The following ASAP3 variants were observed in gnomAD, a reference collection of about 807,000 sequenced individuals.
The protein encoded by ASAP3 is arf-GAP with SH3 domain, ANK repeat and PH domain-containing protein 3.
ASAP3 carries 85 observed loss-of-function variants against 118.2 expected under a neutral mutation model. The ratio of observed to expected loss-of-function variants is 0.72; its 90% CI spans 0.60 to 0.86. The LOEUF (loss-of-function observed/expected upper bound fraction) is 0.86. ASAP3 is among the 40% of genes least tolerant of loss of function. The probability of loss-of-function intolerance (pLI) is 0.00; values close to 1 mark genes in which losing one functional copy is unlikely to be tolerated. For synonymous variants in ASAP3, 432 were observed against 477.4 expected (o/e 0.90, Z 1.24); for missense variants, 1,026 against 1,175.0 (o/e 0.87, Z 1.85).
intron 1 of ASAP3, among the ~76,000 whole-genome samples, chr1:23,473,348 G>T (rs1055108008): frequency 6.6e-6 from 1 of 152,158 alleles, no homozygotes; most frequent in Non-Finnish European, 1.5e-5. Context: ...AGAACCTTCA[G>T]CAGCTGTTCC....
At chr1:23,439,524 C>T (rs1345583104) in intron 10 of ASAP3, among the ~76,000 whole-genome samples, 3 of 152,166 alleles carry the variant, frequency 2.0e-5, no homozygotes, top group Non-Finnish European at 4.4e-5. Context: ...TGAGAGCTCC[C>T]AGTCTGATGG....
intron 1 of ASAP3, among the ~76,000 whole-genome samples, chr1:23,462,055 G>A (rs1404580711): frequency 5.3e-5 from 8 of 150,362 alleles, no homozygotes; most frequent in South Asian, 2.1e-4. Context: ...ATGGAGTCTC[G>A]CTTTGTAGCC....
intron 5 of ASAP3, among the ~76,000 whole-genome samples, chr1:23,445,072 G>A (rs1420862094): frequency 1.3e-5 from 2 of 151,490 alleles, no homozygotes; most frequent in Non-Finnish European, 2.9e-5. Context: ...GGTAGGAACT[G>A]ATCCTGTGAA....
intron 5 of ASAP3, among the ~76,000 whole-genome samples, chr1:23,450,346 G>T (rs931154661): frequency 6.6e-6 from 1 of 152,118 alleles, no homozygotes; most frequent in Non-Finnish European, 1.5e-5. Flanking sequence ...TGGCACACCC[G>T]TTTGATTGAT....
intron 6 of ASAP3, 114 bp downstream of exon 6, chr1:23,442,387 A>C (rs1385302302): frequency 6.3e-7 from 1 of 1,582,004 alleles, no homozygotes; most frequent in Non-Finnish European, 8.6e-7. Context: ...CCTTGGTGAC[A>C]TCCCACAGGG....
At chr1:23,456,259 C>T (rs539630165) in intron 1 of ASAP3, 65 bp from the exon 2 acceptor site, 41 of 1,488,492 alleles carry the variant, frequency 2.8e-5, no homozygotes, top group Middle Eastern at 1.8e-4. Flanking sequence ...CCTTCAGGAA[C>T]GCTGTATCTA....
intron 18 of ASAP3, 50 bp from the exon 19 acceptor site, chr1:23,434,419 G>A (rs376250874): frequency 8.5e-5 from 136 of 1,606,418 alleles, no homozygotes; most frequent in Middle Eastern, 1.6e-4. Flanking sequence ...GATCAATGAG[G>A]GGATCAAAGT....
intron 1 of ASAP3, among the ~76,000 whole-genome samples, chr1:23,467,173 CATTATTATT>C (rs60663868): frequency 1.3e-5 from 2 of 148,338 alleles, no homozygotes; most frequent in East Asian, 2.0e-4. Context: ...CCATTACAGC[CATTATTATT>C]ATTATTATTA....
intron 1 of ASAP3, among the ~76,000 whole-genome samples, chr1:23,456,558 G>C (rs1420918391): frequency 6.6e-6 from 1 of 152,186 alleles, no homozygotes; most frequent in Non-Finnish European, 1.5e-5. Flanking sequence ...TAACTTCTCT[G>C]AGCCTTGAGT....
intron 5 of ASAP3, among the ~76,000 whole-genome samples, chr1:23,449,894 C>T (rs1641160597): frequency 1.3e-5 from 2 of 152,180 alleles, no homozygotes; most frequent in African/African-American, 4.8e-5. Context: ...ATTTGGTAGA[C>T]GATCCCCGAA....
intron 1 of ASAP3, among the ~76,000 whole-genome samples, chr1:23,479,010 T>C (rs1642222543): frequency 6.6e-6 from 1 of 152,078 alleles, no homozygotes; most frequent in South Asian, 2.1e-4. Context: ...TAGGTCTCAA[T>C]GGCCATGTTT....
Position 23,434,533 on chromosome 1 carries a change from C to G in ASAP3, c.1835G>C (p.Gly612Ala), listed in dbSNP as rs201997487. Residue 612 changes from glycine (G) to alanine (A), a missense_variant and splice_region_variant, in exon 18 of 25, where the codon GGT becomes GCT. Gly to Ala is a moderately conservative substitution (Grantham distance 60). Transcript: ENST00000336689. ...GACAGACAGGCAGGGAGGCTCTCAC[C>G]CGTTCTGGATGATGAAATCCACCAG... is the stretch of plus-strand genomic sequence containing the variant. ...LPLVDFIIQNGGHLDAKAADG... is the reference protein window; with the variant it reads ...LPLVDFIIQNAGHLDAKAADG... 85 of 1,613,972 alleles carry G rather than the reference C, an allele frequency of 5.3e-5. No homozygotes were observed. Among genetic ancestry groups the G allele is most frequent in the Non-Finnish European group, 6.9e-5 (82 of 1,179,978 alleles).
At chr1:23,451,780 G>A (rs2148630751) in intron 4 of ASAP3, among the ~76,000 whole-genome samples, 1 of 152,314 alleles carries the variant, frequency 6.6e-6, no homozygotes. Context: ...CCAAGAATCA[G>A]TCAGGTTTGG....
chr1:23,441,841 G>T, intron 7 of ASAP3, 111 bp from the exon 8 acceptor site: 2 of 1,141,368 alleles, frequency 1.8e-6, no homozygotes, highest in Non-Finnish European at 2.6e-6. Flanking sequence ...TCAGGGAATT[G>T]TAGTCTGACG....
intron 1 of ASAP3, among the ~76,000 whole-genome samples, chr1:23,461,746 A>C (rs565765766): frequency 3.3e-5 from 5 of 151,984 alleles, no homozygotes; most frequent in Non-Finnish European, 7.4e-5. Flanking sequence ...TCTGGCTACA[A>C]TGTGCTGGCG....
chr1:23,460,762 G>A (rs907859275), intron 1 of ASAP3, among the ~76,000 whole-genome samples: 7 of 152,038 alleles, frequency 4.6e-5, no homozygotes, highest in South Asian at 4.2e-4. Flanking sequence ...ACCTGCACAC[G>A]GATGTTTACA....
chr1:23,456,584 T>C (rs780059713), intron 1 of ASAP3, among the ~76,000 whole-genome samples: 28 of 152,140 alleles, frequency 1.8e-4, no homozygotes, highest in Non-Finnish European at 3.8e-4. Context: ...GTCTACAAAA[T>C]GGGGATGATA....
intron 1 of ASAP3, among the ~76,000 whole-genome samples, chr1:23,473,525 T>C (rs1558184223): frequency 6.6e-6 from 1 of 152,180 alleles, no homozygotes; most frequent in Non-Finnish European, 1.5e-5. Context: ...CGAAGGGACC[T>C]TCTAGCAGCA....
chr1:23,435,810 TAGAC>T (rs1640628516), intron 17 of ASAP3, 37 bp downstream of exon 17: 22 of 1,612,366 alleles, frequency 1.4e-5, no homozygotes, highest in Non-Finnish European at 1.9e-5. Context: ...GGGAATATGT[TAGAC>T]AGGTGGGTTA....
Sources: allele counts gnomAD v4.1 joint callset (sites outside exome capture counted in the v4.1 genomes callset), GRCh38; gene constraint gnomAD v4.1.1; transcripts MANE v1.5; gene names NCBI Gene and HGNC (gene_info 2026-07-23, HGNC 2026-07-21).